Variants in AKAP7 observed in about 807,000 individuals in gnomAD.
AKAP7 encodes the protein A-kinase anchoring protein 7.
Under a neutral mutation model 39.5 loss-of-function variants are expected in AKAP7, and 39 were observed. The observed-to-expected ratio is 0.99, with a 90% confidence interval of 0.76 to 1.29. The LOEUF (loss-of-function observed/expected upper bound fraction) is 1.29. AKAP7 is among the 50% of genes most tolerant of loss of function. The pLI is 0.00. For synonymous variants in AKAP7, 140 were observed against 139.1 expected (o/e 1.01, Z -0.05); for missense variants, 414 against 407.7 (o/e 1.02, Z -0.13).
chr6:131,273,336 T>C (rs1289596224), intron 7 of AKAP7, among the ~76,000 whole-genome samples: 1 of 152,164 alleles, frequency 6.6e-6, no homozygotes, highest in Non-Finnish European at 1.5e-5. Context: ...ATTATCAATA[T>C]GGGTGAGTTT....
intron 7 of AKAP7, among the ~76,000 whole-genome samples, chr6:131,221,887 G>C (rs1198778539): frequency 6.6e-6 from 1 of 152,176 alleles, no homozygotes; most frequent in Non-Finnish European, 1.5e-5. Flanking sequence ...AATGTACAAG[G>C]AGTTTAGTGT....
chr6:131,187,613 C>T (rs1805994739), intron 5 of AKAP7, among the ~76,000 whole-genome samples: 1 of 152,052 alleles, frequency 6.6e-6, no homozygotes, highest in Non-Finnish European at 1.5e-5. Context: ...CTTTCCCAAC[C>T]AGAATTGAAA....
chr6:131,162,538 A>G (rs1395345002), intron 3 of AKAP7, among the ~76,000 whole-genome samples: 1 of 151,980 alleles, frequency 6.6e-6, no homozygotes, highest in Non-Finnish European at 1.5e-5. Context: ...TATTTTTTAA[A>G]CCCGAATATA....
chr6:131,158,198 A>G (rs370727601), intron 2 of AKAP7, among the ~76,000 whole-genome samples: 4 of 152,212 alleles, frequency 2.6e-5, no homozygotes, highest in African/African-American at 7.2e-5. Context: ...TAGAGAAGCA[A>G]TTTGATACAG....
chr6:131,207,491 A>ATTTTTTTTTTTTTTTTTTTTTTT lies in AKAP7; in HGVS notation c.702+7922_702+7944dup, dbSNP rs531582478. Among the ~76,000 whole-genome samples the ATTTTTTTTTTTTTTTTTTTTTTT allele has an allele frequency of 6.2e-4, 49 of 78,792 alleles. 7 individuals are homozygous for ATTTTTTTTTTTTTTTTTTTTTTT. Among genetic ancestry groups the ATTTTTTTTTTTTTTTTTTTTTTT allele is most frequent in the Non-Finnish European group, 8.2e-4 (32 of 39,026 alleles). 51.7% of individuals were successfully genotyped at this position (78,792 alleles called of 152,430 possible). A position where few individuals can be genotyped will look rare whatever the true frequency, so the allele number is the denominator to read the frequency against. ...TGCACACCATGCCTGGCTAATTAAA[A>ATTTTTTTTTTTTTTTTTTTTTTT]TTTTTTTTTTTTTTTTTTTTTTTTT... On this transcript the variant is annotated intron_variant, in intron 6 of 7. Transcript: ENST00000431975.
chr6:131,131,233 C>T (rs1800321281), upstream of AKAP7, among the ~76,000 whole-genome samples: 1 of 152,146 alleles, frequency 6.6e-6, no homozygotes, highest in African/African-American at 2.4e-5. Context: ...CAGTTGGTCC[C>T]ATCTCAAACT....
intron 7 of AKAP7, among the ~76,000 whole-genome samples, chr6:131,266,917 A>C (rs1813848022): frequency 6.6e-6 from 1 of 152,200 alleles, no homozygotes; most frequent in Non-Finnish European, 1.5e-5. Flanking sequence ...ATTCACAAGC[A>C]AGATGTACTG....
At chr6:131,250,338 G>A (rs983486674) in intron 7 of AKAP7, 12 of 1,345,882 alleles carry the variant, frequency 8.9e-6, no homozygotes, top group Middle Eastern at 2.9e-4. Context: ...CAGTCCCAGA[G>A]CAGTTGCATT....
chr6:131,261,634 A>T (rs1405086406), intron 7 of AKAP7, among the ~76,000 whole-genome samples: 2 of 152,190 alleles, frequency 1.3e-5, no homozygotes, highest in Non-Finnish European at 2.9e-5. Flanking sequence ...AAAACTGTTA[A>T]ATTTGAATAT....
chr6:131,217,527 G>T (rs1445071479), intron 6 of AKAP7, among the ~76,000 whole-genome samples: 2 of 152,090 alleles, frequency 1.3e-5, no homozygotes, highest in Non-Finnish European at 2.9e-5. Context: ...TATAATTTCG[G>T]TGCCTTCAAA....
intron 7 of AKAP7, among the ~76,000 whole-genome samples, chr6:131,261,180 C>T (rs1468201795): frequency 6.7e-6 from 1 of 149,844 alleles, no homozygotes; most frequent in Non-Finnish European, 1.5e-5. Flanking sequence ...GCGAATGCAG[C>T]CTGGGCAACA....
At chr6:131,147,797 A>G (rs1212942826) in intron 2 of AKAP7, among the ~76,000 whole-genome samples, 2 of 152,196 alleles carry the variant, frequency 1.3e-5, no homozygotes, top group African/African-American at 2.4e-5. Flanking sequence ...ATTGGAGTGC[A>G]TAAGTTAGAT....
intron 1 of AKAP7, 97 bp downstream of exon 1, chr6:131,135,879 C>G (rs1190577045): frequency 1.7e-6 from 2 of 1,183,180 alleles, no homozygotes; most frequent in South Asian, 8.6e-5. Flanking sequence ...GCCTGACCCG[C>G]GCCGGCCCTT....
chr6:131,233,570 T>C (rs1810802787), intron 7 of AKAP7, among the ~76,000 whole-genome samples: 1 of 152,166 alleles, frequency 6.6e-6, no homozygotes, highest in Admixed American at 6.5e-5. Context: ...ATAGAATTCT[T>C]AAGCCCAGGA....
chr6:131,255,849 C>T (rs1003257788), intron 7 of AKAP7, among the ~76,000 whole-genome samples: 3 of 152,190 alleles, frequency 2.0e-5, no homozygotes, highest in Non-Finnish European at 2.9e-5. Context: ...TGATGCAATT[C>T]TTTCTCTTCC....
chr6:131,197,574 C>A (rs1218404731), intron 5 of AKAP7, among the ~76,000 whole-genome samples: 1 of 152,060 alleles, frequency 6.6e-6, no homozygotes, highest in South Asian at 2.1e-4. Flanking sequence ...TTTATGTTTT[C>A]TTTTTCTTAG....
intron 7 of AKAP7, among the ~76,000 whole-genome samples, chr6:131,266,604 A>G (rs1000352755): frequency 1.3e-5 from 2 of 152,186 alleles, no homozygotes; most frequent in African/African-American, 4.8e-5. Context: ...TGAGAAGAGA[A>G]ATATCCTAAA....
At chr6:131,267,589 A>G (rs144252643) in intron 7 of AKAP7, among the ~76,000 whole-genome samples, 77 of 152,178 alleles carry the variant, frequency 5.1e-4, no homozygotes, top group Non-Finnish European at 8.7e-4. Context: ...CAGGCTCATC[A>G]TTCTCCTCCC....
chr6:131,251,357 A>AG (rs559747406), intron 7 of AKAP7, among the ~76,000 whole-genome samples: 101 of 152,316 alleles, frequency 6.6e-4, no homozygotes, highest in African/African-American at 2.4e-3. Context: ...GCCTTACCCT[A>AG]GTTGCCCCGA....
Sources: gnomAD v4.1 joint callset for allele counts (sites outside exome capture counted in the v4.1 genomes callset) on GRCh38, gnomAD v4.1.1 for gene constraint, MANE v1.5 for transcripts, NCBI Gene and HGNC (gene_info 2026-07-23, HGNC 2026-07-21) for gene names.